The following NCAM2 variants were observed in gnomAD, a reference collection of about 807,000 sequenced individuals.
NCAM2 encodes the protein N-CAM-2.
Under a neutral mutation model 98.1 loss-of-function variants are expected in NCAM2, and 30 were observed. The ratio of observed to expected loss-of-function variants is 0.31; its 90% CI spans 0.23 to 0.41. The LOEUF is 0.41. NCAM2 is among the 10% of genes least tolerant of loss of function. The pLI, the probability that NCAM2 is intolerant of heterozygous loss-of-function variation, is 1.00. For synonymous variants in NCAM2, 368 were observed against 342.4 expected (o/e 1.07, Z -0.83); for missense variants, 867 against 1,005.8 (o/e 0.86, Z 1.87).
intron 4 of NCAM2, among the ~76,000 whole-genome samples, chr21:21,288,986 A>G (rs2073198328): frequency 6.6e-6 from 1 of 151,878 alleles, no homozygotes. Flanking sequence ...GGATCCAAGC[A>G]TTGTGGGAGT....
chr21:21,060,934 A>G (rs2065308499), intron 1 of NCAM2, among the ~76,000 whole-genome samples: 1 of 152,128 alleles, frequency 6.6e-6, no homozygotes, highest in African/African-American at 2.4e-5. Context: ...TAAAAATGCT[A>G]AGAAGAAAGG....
intron 16 of NCAM2, among the ~76,000 whole-genome samples, chr21:21,533,032 C>T (rs1989792150): frequency 6.6e-6 from 1 of 151,986 alleles, no homozygotes; most frequent in Middle Eastern, 3.4e-3. Flanking sequence ...CCTACATACT[C>T]AGATAAGAGG....
chr21:21,202,730 A>G (rs1234764647), intron 1 of NCAM2, among the ~76,000 whole-genome samples: 2 of 152,098 alleles, frequency 1.3e-5, no homozygotes, highest in Admixed American at 6.5e-5. Context: ...CTTTGTTTTT[A>G]TGCTATAAAA....
intron 1 of NCAM2, among the ~76,000 whole-genome samples, chr21:21,141,744 A>G (rs1250153880): frequency 6.6e-6 from 1 of 152,124 alleles, no homozygotes; most frequent in African/African-American, 2.4e-5. Context: ...CCTCCACACT[A>G]TCTGGCATGA....
chr21:21,503,338 G>A (rs1987757709), intron 15 of NCAM2, among the ~76,000 whole-genome samples: 1 of 151,872 alleles, frequency 6.6e-6, no homozygotes, highest in African/African-American at 2.4e-5. Flanking sequence ...CCATTATTAA[G>A]TAAAATAAGG....
chr21:21,298,382 TA>T (rs5842911), intron 5 of NCAM2, among the ~76,000 whole-genome samples: 151,654 of 151,654 alleles, frequency 1, 75,827 homozygotes, highest in Non-Finnish European at 1. Context: ...ATACAATATA[TA>T]AATTTACCCA....
At chr21:21,233,603 A>G (rs1052536710) in intron 1 of NCAM2, among the ~76,000 whole-genome samples, 7 of 151,640 alleles carry the variant, frequency 4.6e-5, no homozygotes, top group African/African-American at 1.2e-4. Context: ...TGTCTGGAAA[A>G]TGGTACTGAA....
At chr21:21,521,618 G>T (rs552547320) in intron 16 of NCAM2, among the ~76,000 whole-genome samples, 35 of 152,054 alleles carry the variant, frequency 2.3e-4, no homozygotes, top group Non-Finnish European at 4.9e-4. Flanking sequence ...TCTTTGATAG[G>T]CTTATTAGAA....
chr21:21,166,658 C>G (rs1448483420), intron 1 of NCAM2, among the ~76,000 whole-genome samples: 3 of 152,148 alleles, frequency 2.0e-5, no homozygotes, highest in Non-Finnish European at 4.4e-5. Context: ...TTAAAAGTTA[C>G]TTACTTTTAA....
chr21:21,150,005 C>G (rs546863329), intron 1 of NCAM2, among the ~76,000 whole-genome samples: 3 of 152,078 alleles, frequency 2.0e-5, no homozygotes, highest in Non-Finnish European at 4.4e-5. Context: ...TTTTCCACAA[C>G]GGTTGAACTA....
intron 8 of NCAM2, among the ~76,000 whole-genome samples, chr21:21,359,584 A>T (rs1327673510): frequency 6.6e-6 from 1 of 152,010 alleles, no homozygotes; most frequent in East Asian, 1.9e-4. Flanking sequence ...CAGTTTTATA[A>T]GATAATGTGA....
intron 1 of NCAM2, among the ~76,000 whole-genome samples, chr21:21,231,126 T>C (rs1395734725): frequency 2.0e-5 from 3 of 151,372 alleles, no homozygotes; most frequent in Non-Finnish European, 4.4e-5. Context: ...ATATTGATTT[T>C]CAGTAAGAAA....
intron 1 of NCAM2, among the ~76,000 whole-genome samples, chr21:21,258,692 C>G (rs1349431239): frequency 1.3e-5 from 2 of 152,120 alleles, no homozygotes; most frequent in Non-Finnish European, 2.9e-5. Flanking sequence ...TGGCAGGCGC[C>G]ATACTGTTTG....
chr21:21,412,951 T>C (rs922574898), intron 10 of NCAM2, among the ~76,000 whole-genome samples: 3 of 152,122 alleles, frequency 2.0e-5, no homozygotes, highest in East Asian at 1.9e-4. Context: ...AAAGGAAATA[T>C]AGGAAAAGTT....
chr21:21,092,106 C>A (rs1037706407), intron 1 of NCAM2, among the ~76,000 whole-genome samples: 1 of 151,992 alleles, frequency 6.6e-6, no homozygotes, highest in Non-Finnish European at 1.5e-5. Flanking sequence ...GTACAAAGTT[C>A]TCCGTGATAC....
intron 8 of NCAM2, among the ~76,000 whole-genome samples, chr21:21,340,307 T>C (rs1287971227): frequency 6.6e-6 from 1 of 151,958 alleles, no homozygotes; most frequent in East Asian, 1.9e-4. Flanking sequence ...TTAATGAATG[T>C]TACCTTATAT....
chr21:21,181,618 C>A (rs748948107), intron 1 of NCAM2, among the ~76,000 whole-genome samples: 6 of 152,146 alleles, frequency 3.9e-5, no homozygotes, highest in Non-Finnish European at 7.4e-5. Context: ...CCTTTCCTAT[C>A]TTAGGGCCTT....
At chr21:21,319,512 G>A (rs190118728) in intron 5 of NCAM2, among the ~76,000 whole-genome samples, 9 of 152,176 alleles carry the variant, frequency 5.9e-5, no homozygotes, top group African/African-American at 1.2e-4. Flanking sequence ...ATGATGGCGC[G>A]TGCCTGTAGT....
intron 1 of NCAM2, among the ~76,000 whole-genome samples, chr21:21,065,781 C>T (rs75254305): frequency 0.037 from 5,636 of 152,118 alleles, 324 homozygotes; most frequent in African/African-American, 0.13. Context: ...CTATATTTAT[C>T]CTTAGCCATT....
Sources: gnomAD v4.1 joint callset for allele counts (sites outside exome capture counted in the v4.1 genomes callset) on GRCh38, gnomAD v4.1.1 for gene constraint, MANE v1.5 for transcripts, NCBI Gene and HGNC (gene_info 2026-07-23, HGNC 2026-07-21) for gene names.